SUPT3H: variants seen among roughly 807,000 people sequenced by gnomAD.
SUPT3H encodes the protein SPT3 homolog, SAGA and STAGA complex component.
In SUPT3H, 44 loss-of-function variants were observed where a neutral mutation model predicts 44.3. That is an observed-to-expected ratio of 0.99 (90% CI 0.78 to 1.28). SUPT3H has a LOEUF of 1.28. Ranked by LOEUF, SUPT3H falls within the 50% of genes most tolerant of loss-of-function variation. The pLI, the probability that SUPT3H is intolerant of heterozygous loss-of-function variation, is 0.00. For missense variants in SUPT3H, 380 were observed against 387.1 expected (o/e 0.98, Z 0.15); for synonymous variants, 124 against 125.6 (o/e 0.99, Z 0.09).
At chr6:45,249,807 G>A (rs995161129) in intron 2 of SUPT3H, among the ~76,000 whole-genome samples, 5 of 147,506 alleles carry the variant, frequency 3.4e-5, no homozygotes, top group Non-Finnish European at 7.7e-5. Flanking sequence ...ACACATCTGT[G>A]GGGGGGTGGG....
chr6:45,093,878 T>C (rs566060609), intron 3 of SUPT3H, among the ~76,000 whole-genome samples: 3 of 152,264 alleles, frequency 2.0e-5, no homozygotes, highest in South Asian at 2.1e-4. Context: ...AAATGGAAGG[T>C]TAGATAATTA....
chr6:45,308,000 G>A (rs1783344162), intron 2 of SUPT3H, among the ~76,000 whole-genome samples: 1 of 152,162 alleles, frequency 6.6e-6, no homozygotes, highest in South Asian at 2.1e-4. Flanking sequence ...CTGGAAGAAA[G>A]GGTATCAGTG....
intron 7 of SUPT3H, 82 bp from the exon 8 acceptor site, chr6:44,954,689 A>C: frequency 1.3e-6 from 1 of 773,466 alleles, no homozygotes. Flanking sequence ...CAAAATTAAA[A>C]AAGTATACTC....
intron 3 of SUPT3H, among the ~76,000 whole-genome samples, chr6:45,065,877 A>C (rs1481586473): frequency 4.2e-5 from 6 of 143,686 alleles, no homozygotes; most frequent in Non-Finnish European, 9.2e-5. Context: ...ATTCTACCAG[A>C]GGTACAAGGA....
At chr6:44,994,330 G>C (rs942273649) in intron 6 of SUPT3H, among the ~76,000 whole-genome samples, 12 of 152,048 alleles carry the variant, frequency 7.9e-5, no homozygotes, top group Non-Finnish European at 1.5e-4. Context: ...AAAAAGATTT[G>C]CATTCATTTT....
chr6:45,060,152 C>T (rs191953565), intron 3 of SUPT3H, among the ~76,000 whole-genome samples: 2 of 151,930 alleles, frequency 1.3e-5, no homozygotes, highest in African/African-American at 4.8e-5. Context: ...CAATCCTAAG[C>T]AAAAAGAACA....
At chr6:44,876,458 T>A (rs112840761) in intron 10 of SUPT3H, among the ~76,000 whole-genome samples, 1 of 121,412 alleles carries the variant, frequency 8.2e-6, no homozygotes, top group South Asian at 3.0e-4. Flanking sequence ...AACAATGAGA[T>A]CACATGGACA....
intron 2 of SUPT3H, among the ~76,000 whole-genome samples, chr6:45,257,274 T>C (rs1359229711): frequency 6.6e-6 from 1 of 152,176 alleles, no homozygotes; most frequent in African/African-American, 2.4e-5. Context: ...TACAGAGATA[T>C]TAAATAAATT....
rs59403523 is a variant in SUPT3H at position 45,213,891 on chromosome 6, TA to T, written c.102-107886del. Among the ~76,000 whole-genome samples the T allele has an allele frequency of 3.9e-3, 590 of 151,024 alleles. 7 individuals are homozygous for T. Among genetic ancestry groups the T allele is most frequent in the African/African-American group, 0.014 (562 of 41,168 alleles). On this transcript the variant is annotated intron_variant, in intron 2 of 10. Coordinates refer to ENST00000371459, the MANE Select transcript of SUPT3H (RefSeq NM_003599.4). ...TGGGAATCAATTTGAAAGTTGGTACTAAAAAGGGCTTATTTCAAATTTCTAA... is the reference window on the plus strand; with the variant it reads ...TGGGAATCAATTTGAAAGTTGGTACTAAAAGGGCTTATTTCAAATTTCTAA...
At chr6:45,047,022 A>T (rs534586495) in intron 3 of SUPT3H, among the ~76,000 whole-genome samples, 1 of 152,338 alleles carries the variant, frequency 6.6e-6, no homozygotes, top group South Asian at 2.1e-4. Context: ...TAAAAATACA[A>T]TTACAATTGA....
chr6:45,179,528 C>A (rs1164307594), intron 2 of SUPT3H, among the ~76,000 whole-genome samples: 1 of 152,174 alleles, frequency 6.6e-6, no homozygotes, highest in Non-Finnish European at 1.5e-5. Context: ...AACTTATCCA[C>A]CATGATCAAG....
chr6:44,877,481 A>AT (rs1343254786), intron 10 of SUPT3H, among the ~76,000 whole-genome samples: 1 of 152,030 alleles, frequency 6.6e-6, no homozygotes, highest in Admixed American at 6.6e-5. Flanking sequence ...AAAAAAAAAA[A>AT]AAAAAATCCC....
intron 4 of SUPT3H, among the ~76,000 whole-genome samples, chr6:45,015,228 G>A (rs1784067188): frequency 6.6e-6 from 1 of 152,096 alleles, no homozygotes. Context: ...AACCTAGATG[G>A]AACAGTCTAA....
rs185346635 is a variant in SUPT3H at position 45,203,985 on chromosome 6, C to T, written c.102-97979G>A. 1.3e-3 allele frequency among the ~76,000 whole-genome samples: 201 copies of T among 152,236 alleles called. 1 individual carries two copies. The highest frequency in any genetic ancestry group is 3.4e-3 in the Middle Eastern group (1 of 294). On this transcript the variant is annotated intron_variant, in intron 2 of 10. Transcript: ENST00000371459. ...AGGGCCACCCAAACACAGTGGCTCA[C>T]GCCTATAATCCCAGCACTTTGGGAG... is the stretch of plus-strand genomic sequence containing the variant.
Position 45,071,115 on chromosome 6 carries a change from T to C in SUPT3H, c.186+34807A>G, listed in dbSNP as rs143452559. On this transcript the variant is annotated intron_variant, in intron 3 of 10. Coordinates refer to ENST00000371459, the MANE Select transcript of SUPT3H (RefSeq NM_003599.4). Reference sequence around the variant, plus strand: ...AATGTAAAATGAAGAAAAATGGACATAGTAATAGAAATATGTATCTTCATT... The same window carrying C: ...AATGTAAAATGAAGAAAAATGGACACAGTAATAGAAATATGTATCTTCATT... Among the ~76,000 whole-genome samples, 67 of 152,252 alleles carry C rather than the reference T, an allele frequency of 4.4e-4. No individual in the cohort carries two copies. The East Asian group carries it at 9.5e-3, about 21-fold the overall frequency.
At chr6:45,178,845 T>C (rs1173788743) in intron 2 of SUPT3H, among the ~76,000 whole-genome samples, 2 of 151,726 alleles carry the variant, frequency 1.3e-5, no homozygotes, top group Admixed American at 1.3e-4. Context: ...AAGGCAGAAA[T>C]AAAGATGCTC....
At chr6:45,006,805 T>C (rs114407246) in intron 5 of SUPT3H, among the ~76,000 whole-genome samples, 1,741 of 152,240 alleles carry the variant, frequency 0.011, 18 homozygotes, top group Non-Finnish European at 0.016. Context: ...ATTAACAGAA[T>C]TTCACCAGTA....
At chr6:45,307,467 C>T (rs566806702) in intron 2 of SUPT3H, among the ~76,000 whole-genome samples, 5 of 152,304 alleles carry the variant, frequency 3.3e-5, no homozygotes, top group East Asian at 1.9e-4. Context: ...CAGCAATATA[C>T]GCTGTTCTGC....
chr6:44,991,564 C>T (rs895000306), intron 6 of SUPT3H, among the ~76,000 whole-genome samples: 8 of 151,954 alleles, frequency 5.3e-5, no homozygotes, highest in East Asian at 1.9e-4. Context: ...CTGTTGCCTA[C>T]GCTGGAGTAC....
Sources: gnomAD v4.1 joint callset for allele counts (sites outside exome capture counted in the v4.1 genomes callset) on GRCh38, gnomAD v4.1.1 for gene constraint, MANE v1.5 for transcripts, NCBI Gene and HGNC (gene_info 2026-07-23, HGNC 2026-07-21) for gene names.